Variants in PKHD1 observed in about 807,000 individuals in gnomAD.
PKHD1 encodes fibrocystin.
A neutral mutation model predicts 412.0 loss-of-function variants in PKHD1; 291 were observed. The observed-to-expected ratio is 0.71, with a 90% confidence interval of 0.64 to 0.78. PKHD1 has a LOEUF of 0.78. PKHD1 is among the 30% of genes least tolerant of loss of function. The pLI is 0.00. For synonymous variants in PKHD1, 1,777 were observed against 1,821.5 expected (o/e 0.98, Z 0.62); for missense variants, 4,825 against 4,950.7 (o/e 0.97, Z 0.76).
At chr6:51,921,413 G>A (rs1259423114) in intron 37 of PKHD1, among the ~76,000 whole-genome samples, 1 of 152,108 alleles carries the variant, frequency 6.6e-6, no homozygotes, top group East Asian at 1.9e-4. Flanking sequence ...TCTTGGGGTT[G>A]CTCTTCTCAA....
chr6:51,911,552 CAG>C (rs1322366102), intron 39 of PKHD1, among the ~76,000 whole-genome samples: 2 of 151,998 alleles, frequency 1.3e-5, no homozygotes, highest in African/African-American at 2.4e-5. Flanking sequence ...ATATTTTCCC[CAG>C]AGAAATAATA....
At chr6:51,703,073 A>G (rs868720035) in intron 60 of PKHD1, among the ~76,000 whole-genome samples, 1 of 151,944 alleles carries the variant, frequency 6.6e-6, no homozygotes, top group Admixed American at 6.6e-5. Context: ...GCTGCAATAA[A>G]TGTCTGTATA....
At chr6:51,921,307 G>C (rs1784663968) in intron 37 of PKHD1, among the ~76,000 whole-genome samples, 1 of 152,128 alleles carries the variant, frequency 6.6e-6, no homozygotes, top group Admixed American at 6.6e-5. Context: ...TTGTTAGTCT[G>C]ATGGGCTTCC....
chr6:51,845,267 A>G (rs1428050262), intron 50 of PKHD1, among the ~76,000 whole-genome samples: 4 of 152,252 alleles, frequency 2.6e-5, no homozygotes, highest in Non-Finnish European at 5.9e-5. Context: ...CTAAATTTAC[A>G]CAACCCAGTA....
At chr6:52,075,367 C>T (rs756804644) in intron 6 of PKHD1, among the ~76,000 whole-genome samples, 5 of 152,138 alleles carry the variant, frequency 3.3e-5, no homozygotes, top group Non-Finnish European at 7.4e-5. Flanking sequence ...TGCATTTAGA[C>T]ACAACTATAA....
chr6:51,703,338 G>A (rs1386027882), intron 60 of PKHD1, among the ~76,000 whole-genome samples: 2 of 151,776 alleles, frequency 1.3e-5, no homozygotes, highest in African/African-American at 4.8e-5. Context: ...TGAATCAGAA[G>A]GGACTGTGAG....
chr6:51,776,682 A>G (rs1259863571), intron 53 of PKHD1, among the ~76,000 whole-genome samples: 1 of 152,072 alleles, frequency 6.6e-6, no homozygotes, highest in Non-Finnish European at 1.5e-5. Flanking sequence ...TCCAACTATT[A>G]AGTAACAGAA....
intron 64 of PKHD1, 43 bp from the exon 65 acceptor site, chr6:51,632,766 G>GATGCTAAT (rs777210151): frequency 1.9e-5 from 28 of 1,494,300 alleles, no homozygotes; most frequent in Non-Finnish European, 2.6e-5. Flanking sequence ...ATGTTAATAA[G>GATGCTAAT]ATGCTAATAT....
intron 49 of PKHD1, among the ~76,000 whole-genome samples, chr6:51,853,110 G>A (rs564345030): frequency 4.5e-4 from 68 of 152,170 alleles, no homozygotes; most frequent in African/African-American, 1.3e-3. Context: ...TGGTGGTAAC[G>A]AAATCCCTCA....
Position 51,912,398 on chromosome 6 carries a change from C to T in PKHD1, c.6300G>A (p.Gln2100=), listed in dbSNP as rs751405564. ...GTGACTTAAGATAGAGGTCTGTATC[C>T]TGCACAGTTTCCACAGTGACAATCT... ...MEEIVTVETV[Q]DTDLYLKSPL... is the part of the protein sequence containing the mutation. The change falls in exon 38 of 67, where the codon CAG becomes CAA. Residue 2100 remains glutamine (Q), a synonymous_variant. Coordinates refer to ENST00000371117, the MANE Select transcript of PKHD1 (RefSeq NM_138694.4). The T allele has an allele frequency of 3.7e-6, 6 of 1,612,584 alleles. No individual in the cohort carries two copies. In the Admixed American group the frequency reaches 1.0e-4, roughly 27 times the overall value.
At position 52,053,194 on chromosome 6, in the gene PKHD1, G is replaced by T. The variant is rs1195616313; in HGVS notation, c.2022C>A (p.Leu674=). Residue 674 remains leucine, a synonymous_variant, in exon 21 of 67, where the codon CTC becomes CTA. Transcript: ENST00000371117. ...WETCVRCFGD[L]QPPPANSPVL... ...CTGGGGAGTTTGCCGGAGGGGGCTG[G>T]AGATCCCCGAAGCAACGCACACAAG... 2 of 1,614,202 alleles carry T rather than the reference G, an allele frequency of 1.2e-6. No individual in the cohort carries two copies. Among genetic ancestry groups the T allele is most frequent in the Non-Finnish European group, 1.7e-6 (2 of 1,180,018 alleles).
In PKHD1 at chr6:51,843,682, C is replaced by T. The variant is rs1270792588; in HGVS notation, c.8107+4093G>A. On this transcript the variant is annotated intron_variant, in intron 50 of 66. Transcript: ENST00000371117. ...GCATAGAAGCTACAGTTGGGATACACGATAATAGTTCATCGTATTCATAAT... is the reference window on the plus strand; with the variant it reads ...GCATAGAAGCTACAGTTGGGATACATGATAATAGTTCATCGTATTCATAAT... Among the ~76,000 whole-genome samples, 8 of 152,176 alleles carry T rather than the reference C, an allele frequency of 5.3e-5. No individual in the cohort carries two copies. The East Asian group carries it at 5.8e-4, about 11-fold the overall frequency.
At chr6:51,662,485 T>C (rs1038301302) in intron 60 of PKHD1, among the ~76,000 whole-genome samples, 1 of 151,732 alleles carries the variant, frequency 6.6e-6, no homozygotes, top group Non-Finnish European at 1.5e-5. Context: ...TTATGCCTCA[T>C]AAAAGCTGGA....
At chr6:51,707,014 G>A (rs554915129) in intron 60 of PKHD1, among the ~76,000 whole-genome samples, 3 of 152,168 alleles carry the variant, frequency 2.0e-5, no homozygotes, top group Admixed American at 1.3e-4. Context: ...TTATCTGTGT[G>A]GTGATTACTA....
intron 66 of PKHD1, among the ~76,000 whole-genome samples, chr6:51,619,742 T>C (rs545797615): frequency 9.0e-6 from 1 of 110,516 alleles, no homozygotes; most frequent in Admixed American, 9.8e-5. Context: ...GATAATTGAA[T>C]GAGGATTTTT....
chr6:51,951,917 A>C (rs993838609), intron 36 of PKHD1, among the ~76,000 whole-genome samples: 6 of 152,204 alleles, frequency 3.9e-5, no homozygotes, highest in African/African-American at 1.4e-4. Flanking sequence ...GAAAGGTTTT[A>C]AGTAAGGAAG....
chr6:51,935,988 C>T (rs2127777010), intron 36 of PKHD1, among the ~76,000 whole-genome samples: 1 of 152,258 alleles, frequency 6.6e-6, no homozygotes, highest in East Asian at 1.9e-4. Context: ...GCCTAAATGC[C>T]TTTTTCTTTG....
At chr6:52,049,143 T>C (rs1288688529) in intron 22 of PKHD1, among the ~76,000 whole-genome samples, 1 of 152,192 alleles carries the variant, frequency 6.6e-6, no homozygotes, top group Non-Finnish European at 1.5e-5. Context: ...TTAGACAGTC[T>C]CATCATTGTG....
chr6:51,944,240 C>T lies in PKHD1; in HGVS notation c.5909-9918G>A, dbSNP rs535432940. 1.0e-3 allele frequency among the ~76,000 whole-genome samples: 157 copies of T among 152,124 alleles called. 1 individual carries two copies. The highest frequency in any genetic ancestry group is 3.6e-3 in the African/African-American group (150 of 41,482). ...CCCCCACTGAGCACTTTGTGACCCC[C>T]ACTCCTACACGCCAGAGAACAACCC... On this transcript the variant is annotated intron_variant, in intron 36 of 66. Coordinates refer to ENST00000371117, the MANE Select transcript of PKHD1 (RefSeq NM_138694.4).
Sources: allele counts gnomAD v4.1 joint callset (sites outside exome capture counted in the v4.1 genomes callset), GRCh38; gene constraint gnomAD v4.1.1; transcripts MANE v1.5; gene names NCBI Gene and HGNC (gene_info 2026-07-23, HGNC 2026-07-21).